CTNND2: variants seen among roughly 807,000 people sequenced by gnomAD.
CTNND2 encodes the protein catenin delta-2.
Under a neutral mutation model 144.4 loss-of-function variants are expected in CTNND2, and 22 were observed. That is an observed-to-expected ratio of 0.15 (90% CI 0.11 to 0.22). The LOEUF (loss-of-function observed/expected upper bound fraction) is 0.22, where lower values mean the gene tolerates loss of function less well. CTNND2 is among the 10% of genes least tolerant of loss of function. The pLI, the probability that CTNND2 is intolerant of heterozygous loss-of-function variation, is 1.00. For missense variants in CTNND2, 1,353 were observed against 1,618.8 expected, an observed-to-expected ratio of 0.84 and a Z score of 2.82; for synonymous variants, 751 against 695.6, an observed-to-expected ratio of 1.08 and a Z score of -1.25.
rs369470408 is a variant in CTNND2 at position 11,364,914 on chromosome 5, A to G, written c.1178-24T>C. On this transcript the variant is annotated intron_variant, in intron 7 of 21. Transcript: ENST00000304623. ...AGCTGAAATAAATCAACAGAGGGAC[A>G]TCAAAGCTCAGGCGACCTCCAAACA... The G allele has an allele frequency of 6.3e-6, 10 of 1,592,584 alleles. No homozygotes were observed. The South Asian group carries it at 8.0e-5, about 13-fold the overall frequency.
At chr5:11,293,818 C>T (rs1374964830) in intron 9 of CTNND2, among the ~76,000 whole-genome samples, 2 of 143,998 alleles carry the variant, frequency 1.4e-5, no homozygotes, top group Non-Finnish European at 3.0e-5. Flanking sequence ...GTCTTTTTTG[C>T]CTGTGGTTAA....
chr5:11,146,609 A>G (rs1006893425), intron 12 of CTNND2, among the ~76,000 whole-genome samples: 5 of 152,214 alleles, frequency 3.3e-5, no homozygotes, highest in African/African-American at 9.7e-5. Flanking sequence ...CACTAGAGTG[A>G]TATTATTTAT....
intron 3 of CTNND2, among the ~76,000 whole-genome samples, chr5:11,493,977 C>A (rs953258325): frequency 6.6e-6 from 1 of 151,956 alleles, no homozygotes; most frequent in African/African-American, 2.4e-5. Flanking sequence ...TTTTTAGATA[C>A]ATAACATTAA....
At chr5:11,166,565 A>T (rs1441365054) in intron 11 of CTNND2, among the ~76,000 whole-genome samples, 3 of 151,910 alleles carry the variant, frequency 2.0e-5, no homozygotes, top group African/African-American at 7.3e-5. Context: ...TTCATTTTTT[A>T]AAAAAACCAG....
rs56327510 is a variant in CTNND2, at chr5:11,374,775, CTTTTTTT to C, written c.1177+9883_1178-9886del. On this transcript the variant is annotated intron_variant, in intron 7 of 21. Coordinates refer to ENST00000304623, the MANE Select transcript of CTNND2 (RefSeq NM_001332.4). ...TCCAGAACAAGGTGCTCCCAATCTA[CTTTTTTT>C]TTTTTTTTTTTTTTTTTTTTTTGTT... 6.0e-3 allele frequency among the ~76,000 whole-genome samples: 594 copies of C among 99,398 alleles called. 2 individuals carry two copies. Among genetic ancestry groups the C allele is most frequent in the African/African-American group, 0.02 (559 of 28,426 alleles). The allele number at this position is 99,398 out of a possible 152,430, so 65.2% of individuals were successfully genotyped here.
At chr5:11,458,071 T>C (rs1252210150) in intron 3 of CTNND2, among the ~76,000 whole-genome samples, 1 of 152,170 alleles carries the variant, frequency 6.6e-6, no homozygotes, top group East Asian at 1.9e-4. Flanking sequence ...AATGAGTTCA[T>C]ATGTGAAAGA....
At chr5:11,113,608 TAAACTGAGCC>T (rs1753243786) in intron 13 of CTNND2, among the ~76,000 whole-genome samples, 1 of 152,054 alleles carries the variant, frequency 6.6e-6, no homozygotes, top group Non-Finnish European at 1.5e-5. Context: ...GAAAAAAAAA[TAAACTGAGCC>T]AAGTTTTATT....
chr5:11,421,359 A>G (rs1762348522), intron 3 of CTNND2, among the ~76,000 whole-genome samples: 1 of 152,084 alleles, frequency 6.6e-6, no homozygotes, highest in African/African-American at 2.4e-5. Flanking sequence ...CCCCTGTCAC[A>G]CACCTGCTTC....
At chr5:11,087,877 TG>T (rs1452521414) in intron 15 of CTNND2, among the ~76,000 whole-genome samples, 1 of 152,146 alleles carries the variant, frequency 6.6e-6, no homozygotes, top group Non-Finnish European at 1.5e-5. Context: ...GATAATTTCC[TG>T]GGGGGAAAAC....
intron 16 of CTNND2, among the ~76,000 whole-genome samples, chr5:11,077,358 G>T (rs543325537): frequency 3.3e-5 from 5 of 152,116 alleles, no homozygotes; most frequent in Non-Finnish European, 5.9e-5. Context: ...TTTTAAGTAC[G>T]GTGGCCTGAA....
rs1553988803 is a variant in CTNND2, at chr5:11,879,352, T to TATATATATATATATACATAC, written c.37+24464_37+24465insGTATGTATATATATATATAT. Among the ~76,000 whole-genome samples, 103 of 137,256 alleles carry TATATATATATATATACATAC rather than the reference T, an allele frequency of 7.5e-4. 3 individuals are homozygous for TATATATATATATATACATAC. Among genetic ancestry groups the TATATATATATATATACATAC allele is most frequent in the African/African-American group, 2.6e-3 (96 of 37,148 alleles). The allele number at this position is 137,256 out of a possible 152,430, so 90.0% of individuals were successfully genotyped here. ...AAAATTAAATGTGTGTATATATATA[T>TATATATATATATATACATAC]ATATACATATACACACACACACAAA... On this transcript the variant is annotated intron_variant, in intron 1 of 21. Coordinates refer to ENST00000304623, the MANE Select transcript of CTNND2 (RefSeq NM_001332.4).
At chr5:11,472,043 C>T (rs139763961) in intron 3 of CTNND2, among the ~76,000 whole-genome samples, 41 of 152,292 alleles carry the variant, frequency 2.7e-4, no homozygotes, top group Non-Finnish European at 4.4e-4. Flanking sequence ...GTATCCTAAA[C>T]AACAGTTTAA....
intron 16 of CTNND2, among the ~76,000 whole-genome samples, chr5:11,030,872 T>C (rs530373594): frequency 4.7e-4 from 71 of 152,026 alleles, no homozygotes; most frequent in African/African-American, 1.6e-3. Flanking sequence ...AATTTGAATG[T>C]AATAATGGGT....
intron 19 of CTNND2, among the ~76,000 whole-genome samples, chr5:10,991,439 A>T (rs1364817553): frequency 1.3e-5 from 2 of 152,206 alleles, no homozygotes; most frequent in African/African-American, 4.8e-5. Flanking sequence ...ATAACTTGTT[A>T]TCCATCTTTC....
intron 3 of CTNND2, among the ~76,000 whole-genome samples, chr5:11,489,364 C>T (rs904639267): frequency 2.0e-5 from 3 of 152,118 alleles, no homozygotes; most frequent in African/African-American, 7.2e-5. Context: ...CTATTCAAGT[C>T]CTTCCATTTT....
intron 8 of CTNND2, 136 bp downstream of exon 8, chr5:11,364,560 T>C (rs1440727684): frequency 1.7e-6 from 1 of 599,678 alleles, no homozygotes. Flanking sequence ...ATTACAGACA[T>C]TGATAGAAGC....
chr5:11,840,941 T>C (rs920872852), intron 1 of CTNND2, among the ~76,000 whole-genome samples: 9 of 152,178 alleles, frequency 5.9e-5, no homozygotes, highest in African/African-American at 2.2e-4. Context: ...ATATCTAAAA[T>C]ATTTTTATGT....
At chr5:11,202,897 C>T (rs574362335) in intron 10 of CTNND2, among the ~76,000 whole-genome samples, 3 of 152,124 alleles carry the variant, frequency 2.0e-5, no homozygotes, top group Admixed American at 1.3e-4. Context: ...CTCCTCCTCC[C>T]GGGTTCAAGC....
chr5:11,898,312 C>G (rs1407552886), intron 1 of CTNND2, among the ~76,000 whole-genome samples: 1 of 152,166 alleles, frequency 6.6e-6, no homozygotes, highest in East Asian at 1.9e-4. Context: ...TAACTATATA[C>G]CTTTCTGTGG....
Sources: gnomAD v4.1 joint callset for allele counts (sites outside exome capture counted in the v4.1 genomes callset) on GRCh38, gnomAD v4.1.1 for gene constraint, MANE v1.5 for transcripts, NCBI Gene and HGNC (gene_info 2026-07-23, HGNC 2026-07-21) for gene names.